CRPPA: variants seen among roughly 807,000 people sequenced by gnomAD.
CRPPA encodes CDP-L-ribitol pyrophosphorylase A.
CRPPA carries 43 observed loss-of-function variants against 52.0 expected under a neutral mutation model. That is an observed-to-expected ratio of 0.83 (90% CI 0.65 to 1.07). The LOEUF (loss-of-function observed/expected upper bound fraction) is 1.07. Ranked by LOEUF, CRPPA falls within the 50% of genes least tolerant of loss-of-function variation. The pLI is 0.00. For synonymous variants in CRPPA, 250 were observed against 203.5 expected (o/e 1.23, Z -1.94); for missense variants, 629 against 551.7 (o/e 1.14, Z -1.40).
At chr7:16,400,276 TG>T (rs555826871) in intron 2 of CRPPA, among the ~76,000 whole-genome samples, 188 of 152,296 alleles carry the variant, frequency 1.2e-3, no homozygotes, top group African/African-American at 4.1e-3. Flanking sequence ...CGTGATTACC[TG>T]TGTGACATGA....
chr7:16,289,037 T>A (rs1374928011), intron 5 of CRPPA, among the ~76,000 whole-genome samples: 1 of 151,782 alleles, frequency 6.6e-6, no homozygotes, highest in African/African-American at 2.4e-5. Flanking sequence ...TAACTGATAC[T>A]ACAGAAATAC....
At chr7:16,295,387 G>A (rs932201680) in intron 5 of CRPPA, among the ~76,000 whole-genome samples, 1 of 151,920 alleles carries the variant, frequency 6.6e-6, no homozygotes, top group African/African-American at 2.4e-5. Context: ...AACCAAAAGG[G>A]ATGAAATGGA....
intron 9 of CRPPA, among the ~76,000 whole-genome samples, chr7:16,195,931 A>T (rs982406213): frequency 2.6e-5 from 4 of 152,096 alleles, no homozygotes; most frequent in Non-Finnish European, 5.9e-5. Context: ...TCCCCACAGC[A>T]TCCCATCCCC....
In CRPPA at chr7:16,374,449, T is replaced by A. The variant is rs567879796; in HGVS notation, c.684+1643A>T. On this transcript the variant is annotated intron_variant, in intron 3 of 9. Coordinates refer to ENST00000407010, the MANE Select transcript of CRPPA (RefSeq NM_001101426.4). Reference sequence around the variant, plus strand: ...CGGCCTATTGTGGGACTTCACCTTGTAACTGTGTGAGCCAATTCTCCCTAA... The same window carrying A: ...CGGCCTATTGTGGGACTTCACCTTGAAACTGTGTGAGCCAATTCTCCCTAA... Among the ~76,000 whole-genome samples, 5 of 152,328 alleles carry A rather than the reference T, an allele frequency of 3.3e-5. No individual in the cohort carries two copies. The East Asian group carries it at 9.6e-4, about 29-fold the overall frequency.
At chr7:16,207,297 T>C (rs1012900426) in intron 9 of CRPPA, among the ~76,000 whole-genome samples, 1 of 152,138 alleles carries the variant, frequency 6.6e-6, no homozygotes, top group Non-Finnish European at 1.5e-5. Context: ...TATTAGGCAA[T>C]ACGCTGCAAA....
intron 9 of CRPPA, among the ~76,000 whole-genome samples, chr7:16,139,867 C>T (rs2128375387): frequency 6.6e-6 from 1 of 152,010 alleles, no homozygotes; most frequent in African/African-American, 2.4e-5. Flanking sequence ...GATTAACCAC[C>T]TAGAATTCCA....
At chr7:16,244,282 A>G (rs1783205859) in intron 8 of CRPPA, among the ~76,000 whole-genome samples, 1 of 152,108 alleles carries the variant, frequency 6.6e-6, no homozygotes, top group Non-Finnish European at 1.5e-5. Context: ...CTTTCATTAG[A>G]GACAAAAAGT....
intron 9 of CRPPA, among the ~76,000 whole-genome samples, chr7:16,201,251 A>G (rs974570729): frequency 9.9e-5 from 15 of 152,204 alleles, no homozygotes; most frequent in African/African-American, 3.6e-4. Context: ...ATTCCTAGGC[A>G]GACAGGGGCA....
At chr7:16,337,681 C>T (rs1015054795) in intron 3 of CRPPA, among the ~76,000 whole-genome samples, 5 of 151,878 alleles carry the variant, frequency 3.3e-5, no homozygotes, top group African/African-American at 4.8e-5. Flanking sequence ...AAATTAACAA[C>T]GGGACATTAT....
chr7:16,297,297 C>A (rs1178790709), intron 5 of CRPPA, among the ~76,000 whole-genome samples: 2 of 152,146 alleles, frequency 1.3e-5, no homozygotes, highest in Non-Finnish European at 2.9e-5. Context: ...AGTCCAATGT[C>A]CTCCAAGTCT....
intron 3 of CRPPA, among the ~76,000 whole-genome samples, chr7:16,357,971 G>T (rs1325332027): frequency 6.6e-6 from 1 of 152,176 alleles, no homozygotes; most frequent in South Asian, 2.1e-4. Context: ...GATGGCCAAG[G>T]AGCCTGAGGC....
intron 5 of CRPPA, among the ~76,000 whole-genome samples, chr7:16,297,180 G>A (rs1406472400): frequency 6.6e-6 from 1 of 152,140 alleles, no homozygotes; most frequent in Non-Finnish European, 1.5e-5. Flanking sequence ...TGACCCAGAG[G>A]AAAGTAACCT....
At chr7:16,250,663 C>G (rs962887865) in intron 8 of CRPPA, among the ~76,000 whole-genome samples, 11 of 152,172 alleles carry the variant, frequency 7.2e-5, no homozygotes, top group Non-Finnish European at 1.6e-4. Flanking sequence ...CCTTTACAGG[C>G]AAGCAAATGC....
At chr7:16,340,337 A>G (rs555942576) in intron 3 of CRPPA, among the ~76,000 whole-genome samples, 1 of 152,210 alleles carries the variant, frequency 6.6e-6, no homozygotes, top group Non-Finnish European at 1.5e-5. Flanking sequence ...TCCTATGCAC[A>G]AAAGATATGT....
At chr7:16,347,343 G>C (rs1786040378) in intron 3 of CRPPA, among the ~76,000 whole-genome samples, 1 of 152,048 alleles carries the variant, frequency 6.6e-6, no homozygotes, top group Non-Finnish European at 1.5e-5. Flanking sequence ...GTATCAGTAA[G>C]TATATCTTTG....
At chr7:16,166,312 C>G (rs1301553660) in intron 9 of CRPPA, among the ~76,000 whole-genome samples, 1 of 151,774 alleles carries the variant, frequency 6.6e-6, no homozygotes. Context: ...TAGAGTCTTG[C>G]TCTGCTGCCC....
chr7:16,363,233 C>T (rs2128309676), intron 3 of CRPPA, among the ~76,000 whole-genome samples: 1 of 152,060 alleles, frequency 6.6e-6, no homozygotes, highest in Non-Finnish European at 1.5e-5. Context: ...AAAGTTTTTC[C>T]CAAAAAGAGC....
intron 3 of CRPPA, among the ~76,000 whole-genome samples, chr7:16,348,357 G>A (rs1786066479): frequency 6.6e-6 from 1 of 152,132 alleles, no homozygotes; most frequent in Non-Finnish European, 1.5e-5. Context: ...TTTTATACGA[G>A]CAAACAAGCA....
intron 8 of CRPPA, among the ~76,000 whole-genome samples, chr7:16,232,461 G>A (rs186809674): frequency 1.3e-5 from 2 of 152,254 alleles, no homozygotes; most frequent in Non-Finnish European, 1.5e-5. Context: ...CTTCCACTAA[G>A]GGATGATCTT....
Sources: allele counts gnomAD v4.1 joint callset (sites outside exome capture counted in the v4.1 genomes callset), GRCh38; gene constraint gnomAD v4.1.1; transcripts MANE v1.5; gene names NCBI Gene and HGNC (gene_info 2026-07-23, HGNC 2026-07-21).